MAP2K6: variants seen among roughly 807,000 people sequenced by gnomAD.
MAP2K6 encodes the protein dual specificity mitogen-activated protein kinase kinase 6.
In MAP2K6, 16 loss-of-function variants were observed where a neutral mutation model predicts 53.7. The observed-to-expected ratio is 0.30, with a 90% CI of 0.20 to 0.45. MAP2K6 has a LOEUF of 0.45. Ranked by LOEUF, MAP2K6 falls within the 20% of genes least tolerant of loss-of-function variation. The pLI is 1.00. For missense variants in MAP2K6, 204 were observed against 411.9 expected, an observed-to-expected ratio of 0.50 and a Z score of 4.37; for synonymous variants, 132 against 143.1, an observed-to-expected ratio of 0.92 and a Z score of 0.55.
chr17:69,488,938 A>T (rs1598286138), intron 1 of MAP2K6, among the ~76,000 whole-genome samples: 1 of 152,096 alleles, frequency 6.6e-6, no homozygotes, highest in African/African-American at 2.4e-5. Flanking sequence ...AAATAAAATA[A>T]GGCTGAGTGT....
At chr17:69,452,552 A>G (rs2145160754) in intron 1 of MAP2K6, among the ~76,000 whole-genome samples, 1 of 152,344 alleles carries the variant, frequency 6.6e-6, no homozygotes, top group Admixed American at 6.5e-5. Flanking sequence ...TCTAGATAAC[A>G]GTAGATTCAC....
At chr17:69,514,314 C>G (rs769520151) in intron 2 of MAP2K6, among the ~76,000 whole-genome samples, 48 of 152,202 alleles carry the variant, frequency 3.2e-4, no homozygotes, top group Non-Finnish European at 5.3e-4. Context: ...CTTCCAGAAA[C>G]CTTTTCTGAA....
At chr17:69,440,693 A>T (rs1308785956) in intron 1 of MAP2K6, among the ~76,000 whole-genome samples, 2 of 151,348 alleles carry the variant, frequency 1.3e-5, no homozygotes, top group Non-Finnish European at 2.9e-5. Flanking sequence ...TCATTTCTGA[A>T]GGGTATTTTC....
intron 6 of MAP2K6, 27 bp from the exon 7 acceptor site, chr17:69,521,022 T>G (rs748966336): frequency 6.4e-7 from 1 of 1,555,280 alleles, no homozygotes; most frequent in Non-Finnish European, 8.8e-7. Flanking sequence ...ATGTGATAAA[T>G]AAATCTATCT....
chr17:69,534,051 C>G (rs961196241), intron 10 of MAP2K6, among the ~76,000 whole-genome samples: 2 of 152,094 alleles, frequency 1.3e-5, no homozygotes, highest in African/African-American at 4.8e-5. Flanking sequence ...CTTTGTTGTG[C>G]GGGATTGCCC....
intron 10 of MAP2K6, among the ~76,000 whole-genome samples, chr17:69,529,921 A>G (rs1479930220): frequency 4.6e-5 from 7 of 152,120 alleles, no homozygotes; most frequent in Non-Finnish European, 7.4e-5. Context: ...TAACACCCAT[A>G]GTGCCTTCAT....
rs181836184 is a variant in MAP2K6 at position 69,485,599 on chromosome 17, C to G, written c.17-20181C>G. 710 of 227,232 alleles carry G rather than the reference C, an allele frequency of 3.1e-3. 3 individuals are homozygous for G. The highest frequency in any genetic ancestry group is 0.015 in the African/African-American group (636 of 42,840). 14.1% of individuals were successfully genotyped at this position (227,232 alleles called of 1,614,324 possible). ...CCATGGGAAATCTTGGCAGAACACCCTGTTATACATCTATACTGAGTGCCT... is the reference window on the plus strand; with the variant it reads ...CCATGGGAAATCTTGGCAGAACACCGTGTTATACATCTATACTGAGTGCCT... On this transcript the variant is annotated intron_variant, in intron 1 of 11. Transcript: ENST00000590474.
chr17:69,505,678 G>T, intron 1 of MAP2K6, 102 bp from the exon 2 acceptor site: 3 of 897,918 alleles, frequency 3.3e-6, no homozygotes, highest in South Asian at 1.3e-5. Flanking sequence ...GGAGACATGA[G>T]AGCTGCCTGT....
intron 1 of MAP2K6, among the ~76,000 whole-genome samples, chr17:69,466,255 A>C (rs1207393757): frequency 1.3e-5 from 2 of 149,332 alleles, no homozygotes; most frequent in East Asian, 4.0e-4. Context: ...GCAAGCCACT[A>C]CTCCAGCCTG....
intron 1 of MAP2K6, among the ~76,000 whole-genome samples, chr17:69,505,182 C>T (rs1909399398): frequency 6.6e-6 from 1 of 151,856 alleles, no homozygotes; most frequent in Admixed American, 6.6e-5. Context: ...TGGCTCATGC[C>T]TGTAATCCCA....
rs57708586 is a variant in MAP2K6 at position 69,440,160 on chromosome 17, G to A, written c.16+25160G>A. On this transcript the variant is annotated intron_variant, in intron 1 of 11. Transcript: ENST00000590474. Reference sequence around the variant, plus strand: ...CCTCCTGGGTTCAAGTGATTCTACTGCCTCAGCCTCCAGAGTAGCTGAGAT... The same window carrying A: ...CCTCCTGGGTTCAAGTGATTCTACTACCTCAGCCTCCAGAGTAGCTGAGAT... Among the ~76,000 whole-genome samples the A allele has an allele frequency of 5.7e-3, 867 of 152,052 alleles. 7 individuals carry two copies. Among genetic ancestry groups the A allele is most frequent in the African/African-American group, 0.02 (827 of 41,474 alleles).
chr17:69,538,529 T>C (rs1474288544), intron 11 of MAP2K6, among the ~76,000 whole-genome samples: 1 of 152,330 alleles, frequency 6.6e-6, no homozygotes, highest in South Asian at 2.1e-4. Flanking sequence ...GAGTCCAAAC[T>C]CCCTGACTTT....
intron 4 of MAP2K6, among the ~76,000 whole-genome samples, chr17:69,517,981 G>A (rs1032168094): frequency 8.5e-5 from 13 of 152,216 alleles, no homozygotes; most frequent in African/African-American, 3.1e-4. Context: ...ACGAGGTCAG[G>A]AGTTCGAGAC....
chr17:69,449,541 CTTTCTTTCTTTCTTTCTTTA>C lies in MAP2K6; in HGVS notation c.16+34561_16+34580del, dbSNP rs1386272919. On this transcript the variant is annotated intron_variant, in intron 1 of 11. Transcript: ENST00000590474. ...TGTCTTTCTTTCTTTGTCTTTCTTTCTTTCTTTCTTTCTTTCTTTATTTCTTTCTTTCTTTCTTTCTTTCT... is the reference window on the plus strand; with the variant it reads ...TGTCTTTCTTTCTTTGTCTTTCTTTCTTTCTTTCTTTCTTTCTTTCTTTCT... 4.1e-3 allele frequency among the ~76,000 whole-genome samples: 407 copies of C among 99,446 alleles called. 3 individuals carry two copies. Among genetic ancestry groups the C allele is most frequent in the African/African-American group, 0.018 (384 of 21,752 alleles). The allele number at this position is 99,446 out of a possible 152,430, so 65.2% of individuals were successfully genotyped here.
At chr17:69,510,891 T>C (rs1461585917) in intron 2 of MAP2K6, among the ~76,000 whole-genome samples, 1 of 152,154 alleles carries the variant, frequency 6.6e-6, no homozygotes, top group African/African-American at 2.4e-5. Context: ...ATTGATTTTT[T>C]TTCTTCTGAA....
chr17:69,465,974 GA>G (rs545934023), intron 1 of MAP2K6, among the ~76,000 whole-genome samples: 123 of 148,044 alleles, frequency 8.3e-4, no homozygotes, highest in African/African-American at 2.9e-3. Flanking sequence ...CCACTTCTTA[GA>G]AATATATAGA....
intron 9 of MAP2K6, among the ~76,000 whole-genome samples, chr17:69,525,439 G>A (rs1196173044): frequency 6.6e-6 from 1 of 152,166 alleles, no homozygotes; most frequent in Admixed American, 6.5e-5. Context: ...AGAAGTCAAA[G>A]TCTGATCAGG....
chr17:69,457,971 A>G (rs545431302), intron 1 of MAP2K6, among the ~76,000 whole-genome samples: 1 of 152,262 alleles, frequency 6.6e-6, no homozygotes, highest in African/African-American at 2.4e-5. Context: ...ATTACTACCT[A>G]TAACACAATA....
chr17:69,451,792 T>C (rs1907236435), intron 1 of MAP2K6, among the ~76,000 whole-genome samples: 1 of 152,146 alleles, frequency 6.6e-6, no homozygotes, highest in African/African-American at 2.4e-5. Flanking sequence ...GAGGGGCACA[T>C]AACCATAGTG....
Sources: allele counts gnomAD v4.1 joint callset (sites outside exome capture counted in the v4.1 genomes callset), GRCh38; gene constraint gnomAD v4.1.1; transcripts MANE v1.5; gene names NCBI Gene and HGNC (gene_info 2026-07-23, HGNC 2026-07-21).